Variants in HMGCLL1 observed in about 807,000 individuals in gnomAD.
HMGCLL1 encodes 3-hydroxymethyl-3-methylglutaryl-CoA lyase, cytoplasmic.
A neutral mutation model predicts 39.1 loss-of-function variants in HMGCLL1; 36 were observed. The ratio of observed to expected loss-of-function variants is 0.92; its 90% CI spans 0.71 to 1.22. HMGCLL1 has a LOEUF of 1.22. Among genes scored for constraint, HMGCLL1 ranks in the 50% most tolerant of loss-of-function variants. The pLI is 0.00. For missense variants in HMGCLL1, 451 were observed against 416.5 expected (o/e 1.08, Z -0.72); for synonymous variants, 149 against 144.0 (o/e 1.03, Z -0.25).
chr6:55,581,525 A>T (rs900631498), upstream of HMGCLL1, among the ~76,000 whole-genome samples: 5 of 152,074 alleles, frequency 3.3e-5, no homozygotes, highest in African/African-American at 1.2e-4. Context: ...ACATTTGAAA[A>T]GCATATGTTT....
At chr6:55,475,392 C>T (rs777330482) in intron 7 of HMGCLL1, among the ~76,000 whole-genome samples, 16 of 151,572 alleles carry the variant, frequency 1.1e-4, no homozygotes, top group Non-Finnish European at 1.8e-4. Context: ...TGCTTATCCA[C>T]ACTCAGACTC....
upstream of HMGCLL1, among the ~76,000 whole-genome samples, chr6:55,579,724 C>T (rs763694751): frequency 6.6e-6 from 1 of 152,154 alleles, no homozygotes; most frequent in Non-Finnish European, 1.5e-5. Context: ...TAAGTTGGTG[C>T]TGCGGTTAAG....
chr6:55,458,184 T>A (rs6942388), intron 7 of HMGCLL1, among the ~76,000 whole-genome samples: 6,595 of 152,326 alleles, frequency 0.043, 217 homozygotes, highest in Non-Finnish European at 0.069. Context: ...TAAAATGACA[T>A]GTAATGCTTG....
the HMGCLL1 span, among the ~76,000 whole-genome samples, chr6:55,643,807 G>C: frequency 6.6e-6 from 1 of 151,950 alleles, no homozygotes. Flanking sequence ...TCTTATAGCT[G>C]AATGACACTT....
rs1163272432 is a variant in HMGCLL1 at position 55,576,926 on chromosome 6, C to A, written c.108+2022G>T. 4.8e-6 allele frequency: 5 copies of A among 1,049,672 alleles called. No homozygotes were observed. In the Admixed American group the frequency reaches 1.2e-4, roughly 24 times the overall value. The allele number at this position is 1,049,672 out of a possible 1,614,324, so 65.0% of individuals were successfully genotyped here. On this transcript the variant is annotated intron_variant, in intron 1 of 8. Transcript: ENST00000274901. The stretch of plus-strand genomic sequence containing the variant: ...CTAAGCGATGATGTCAAATGAGCAG[C>A]TGAACATCTGGACTGGAATTCAAGA...
chr6:55,478,137 T>C (rs897140183), intron 7 of HMGCLL1, among the ~76,000 whole-genome samples: 1 of 151,148 alleles, frequency 6.6e-6, no homozygotes, highest in Admixed American at 6.6e-5. Flanking sequence ...AATTTTATTT[T>C]ACACCTAAGT....
intron 3 of HMGCLL1, among the ~76,000 whole-genome samples, chr6:55,538,751 A>C (rs1184166213): frequency 1.3e-5 from 2 of 152,130 alleles, no homozygotes; most frequent in African/African-American, 4.8e-5. Flanking sequence ...TACAGTGATA[A>C]GTAGAAGATA....
chr6:55,665,262 C>T, the HMGCLL1 span, among the ~76,000 whole-genome samples: 1 of 151,546 alleles, frequency 6.6e-6, no homozygotes, highest in African/African-American at 2.4e-5. Flanking sequence ...TTTTTAGAGG[C>T]AGACAAGTGT....
At chr6:55,435,899 AT>A in intron 8 of HMGCLL1, 136 bp from the exon 9 acceptor site, 2 of 462,608 alleles carry the variant, frequency 4.3e-6, no homozygotes, top group Non-Finnish European at 7.8e-6. Context: ...GTCATTATCA[AT>A]TTTGGGGCAA....
At chr6:55,515,019 T>G in intron 4 of HMGCLL1, among the ~76,000 whole-genome samples, 2 of 152,050 alleles carry the variant, frequency 1.3e-5, no homozygotes, top group South Asian at 4.1e-4. Flanking sequence ...CTTTGGGAAC[T>G]CAAGGTAGGC....
intron 5 of HMGCLL1, among the ~76,000 whole-genome samples, chr6:55,500,027 C>A (rs902657361): frequency 1.3e-5 from 2 of 152,020 alleles, no homozygotes; most frequent in African/African-American, 4.8e-5. Flanking sequence ...ACATCAATCC[C>A]ATTTTATTAA....
the HMGCLL1 span, among the ~76,000 whole-genome samples, chr6:55,677,079 G>T: frequency 2.6e-5 from 4 of 152,192 alleles, no homozygotes; most frequent in African/African-American, 9.7e-5. Context: ...CCAGATAACA[G>T]GACAGTTTAA....
intron 7 of HMGCLL1, among the ~76,000 whole-genome samples, chr6:55,450,142 C>A (rs956778044): frequency 1.1e-4 from 16 of 152,108 alleles, no homozygotes; most frequent in African/African-American, 3.9e-4. Flanking sequence ...GGAGGAAGTT[C>A]AATGTCACAA....
At chr6:55,507,337 C>T (rs1245124200) in intron 5 of HMGCLL1, among the ~76,000 whole-genome samples, 1 of 151,686 alleles carries the variant, frequency 6.6e-6, no homozygotes, top group Non-Finnish European at 1.5e-5. Flanking sequence ...GAATACATCT[C>T]CTGCAGACAA....
chr6:55,610,942 C>T, the HMGCLL1 span, among the ~76,000 whole-genome samples: 1 of 152,240 alleles, frequency 6.6e-6, no homozygotes, highest in South Asian at 2.1e-4. Flanking sequence ...AACTAAGCTT[C>T]ATAAGTGAAG....
At chr6:55,511,364 C>A (rs767484405) in intron 5 of HMGCLL1, among the ~76,000 whole-genome samples, 1 of 151,818 alleles carries the variant, frequency 6.6e-6, no homozygotes, top group Non-Finnish European at 1.5e-5. Flanking sequence ...CAGTTCTGAG[C>A]GTGTGTTAAA....
At chr6:55,638,017 G>A in the HMGCLL1 span, among the ~76,000 whole-genome samples, 1 of 152,014 alleles carries the variant, frequency 6.6e-6, no homozygotes, top group African/African-American at 2.4e-5. Flanking sequence ...AAATAGCTGT[G>A]ACCCTAGAAT....
intron 1 of HMGCLL1, among the ~76,000 whole-genome samples, chr6:55,575,281 C>T (rs1445174546): frequency 6.6e-6 from 1 of 151,962 alleles, no homozygotes; most frequent in Non-Finnish European, 1.5e-5. Context: ...AAACAGAGAC[C>T]CACATAATTT....
chr6:55,525,181 C>T (rs975185857), intron 3 of HMGCLL1, among the ~76,000 whole-genome samples: 2 of 141,836 alleles, frequency 1.4e-5, no homozygotes, highest in African/African-American at 2.6e-5. Flanking sequence ...CTATGCGACA[C>T]CCACCGGGAT....
Sources: allele counts gnomAD v4.1 joint callset (sites outside exome capture counted in the v4.1 genomes callset), GRCh38; gene constraint gnomAD v4.1.1; transcripts MANE v1.5; gene names NCBI Gene and HGNC (gene_info 2026-07-23, HGNC 2026-07-21).